Variants in U2SURP observed in about 807,000 individuals in gnomAD.
U2SURP encodes U2 snRNP-associated SURP motif-containing protein.
In U2SURP, 9 loss-of-function variants were observed where a neutral mutation model predicts 144.9. That is an observed-to-expected ratio of 0.06 (90% confidence interval 0.04 to 0.11). The LOEUF is 0.11. Ranked by LOEUF, U2SURP falls within the 10% of genes least tolerant of loss-of-function variation. The pLI is 1.00. For synonymous variants in U2SURP, 408 were observed against 396.8 expected (o/e 1.03, Z -0.33); for missense variants, 724 against 1,226.7 (o/e 0.59, Z 6.12).
chr3:143,012,373 G>A lies in U2SURP; in HGVS notation c.222+20G>A. The stretch of plus-strand genomic sequence containing the variant: ...TCAAGAGTGAGTATAGATAAGATAA[G>A]GTAAAGATAAGAAAGGATAGTTAAT... On this transcript the variant is annotated intron_variant, in intron 3 of 27. Transcript: ENST00000473835. 6.3e-7 allele frequency: 1 copy of A among 1,582,422 alleles called. No homozygotes were observed. Among genetic ancestry groups the A allele is most frequent in the Non-Finnish European group, 8.6e-7 (1 of 1,165,344 alleles).
intron 12 of U2SURP, 101 bp from the exon 13 acceptor site, chr3:143,023,874 A>T: frequency 1.9e-6 from 2 of 1,073,268 alleles, no homozygotes; most frequent in Non-Finnish European, 2.8e-6. Flanking sequence ...ACTTGTGATT[A>T]GATATGTAGT....
intron 24 of U2SURP, among the ~76,000 whole-genome samples, chr3:143,047,890 C>CT (rs1560204612): frequency 5.1e-5 from 7 of 136,074 alleles, no homozygotes; most frequent in Non-Finnish European, 9.7e-5. Context: ...TGACCCCCCC[C>CT]AACCTCCCTC....
intron 1 of U2SURP, among the ~76,000 whole-genome samples, chr3:143,003,214 TTC>T (rs938159149): frequency 1.6e-4 from 25 of 152,236 alleles, no homozygotes; most frequent in African/African-American, 5.8e-4. Flanking sequence ...CAGTAATCTT[TTC>T]TGTTTATATT....
rs781341918 is a variant in U2SURP at position 143,043,169 on chromosome 3, G to C, written c.2437G>C (p.Glu813Gln). ...EEDTQSSKSE[E>Q]HHLYSNPIKE... is the part of the protein sequence containing the mutation. ...AGATACTCAAAGTTCCAAATCTGAA[G>C]AACATCATTTGTACTCTAATCCAAT... The change falls in exon 24 of 28, where the codon GAA (glutamate) becomes CAA (glutamine). Residue 813 changes from glutamate (E) to glutamine (Q), a missense_variant. Glu to Gln is a conservative substitution (Grantham distance 29). Coordinates refer to ENST00000473835, the MANE Select transcript of U2SURP (RefSeq NM_001080415.2). 1 of 1,604,332 alleles carries C rather than the reference G, an allele frequency of 6.2e-7. No individual in the cohort carries two copies. Among genetic ancestry groups the C allele is most frequent in the South Asian group, 1.1e-5 (1 of 89,316 alleles).
intron 1 of U2SURP, among the ~76,000 whole-genome samples, chr3:143,001,916 C>A (rs182428347): frequency 2.7e-4 from 41 of 152,342 alleles, no homozygotes; most frequent in Non-Finnish European, 5.0e-4. Flanking sequence ...CTTCGGCCCG[C>A]GCTTGGCATT....
chr3:143,014,462 G>C (rs1936262717), intron 4 of U2SURP, 53 bp downstream of exon 4: 4 of 1,251,186 alleles, frequency 3.2e-6, no homozygotes, highest in Non-Finnish European at 4.5e-6. Context: ...GTGTCTAAGG[G>C]GTTAGTAAGT....
Position 143,036,008 on chromosome 3 carries a change from A to C in U2SURP, c.1968A>C (p.Ala656=), listed in dbSNP as rs1314300689. The C allele has an allele frequency of 1.2e-6, 2 of 1,609,642 alleles. No individual in the cohort carries two copies. The highest frequency in any genetic ancestry group is 1.7e-5 in the Admixed American group (1 of 58,664). ...FKQRVMTCFR[A]WEDWAIYPEP... is the part of the protein sequence containing the mutation. ...AACGGGTAATGACTTGCTTCAGAGC[A>C]TGGGAAGATTGGGCAATTTATCCAG... The change falls in exon 20 of 28, where the codon GCA becomes GCC. Residue 656 remains alanine, a synonymous_variant. Coordinates refer to ENST00000473835, the MANE Select transcript of U2SURP (RefSeq NM_001080415.2).
At chr3:143,028,187 C>T (rs1933267855) in intron 14 of U2SURP, among the ~76,000 whole-genome samples, 153 bp from the exon 15 acceptor site, 1 of 152,018 alleles carries the variant, frequency 6.6e-6, no homozygotes, top group African/African-American at 2.4e-5. Context: ...GGATAGGTAG[C>T]GGGTGGTAGT....
chr3:143,052,950 G>GTTTTTTTT (rs11436960), intron 25 of U2SURP, among the ~76,000 whole-genome samples: 1 of 132,950 alleles, frequency 7.5e-6, no homozygotes, highest in African/African-American at 2.8e-5. Context: ...AAATGTGTTG[G>GTTTTTTTT]TTTTTTTTTT....
intron 23 of U2SURP, among the ~76,000 whole-genome samples, chr3:143,042,320 A>G (rs1322055059): frequency 1.3e-5 from 2 of 152,154 alleles, no homozygotes; most frequent in African/African-American, 4.8e-5. Context: ...CTAATCAGAT[A>G]AGGTCTTTAC....
At position 143,059,464 on chromosome 3, in the gene U2SURP, AAATTT is replaced by A. The variant is rs1334507740; in HGVS notation, c.*3016_*3020del. Reference sequence around the variant, plus strand: ...CTTTTGAGAAATTTTAACTGTGATTAAATTTAGGTTTATTAGAAATATTCTGTACA... The same window carrying A: ...CTTTTGAGAAATTTTAACTGTGATTAAGGTTTATTAGAAATATTCTGTACA... On this transcript the variant is annotated 3_prime_UTR_variant, in exon 28 of 28. Coordinates refer to ENST00000473835, the MANE Select transcript of U2SURP (RefSeq NM_001080415.2). The A allele has an allele frequency of 6.6e-6, 1 of 151,942 alleles. No homozygotes were observed. Among genetic ancestry groups the A allele is most frequent in the Non-Finnish European group, 1.5e-5 (1 of 67,830 alleles). The allele number at this position is 151,942 out of a possible 1,614,324, so 9.4% of individuals were successfully genotyped here.
chr3:143,027,652 A>G (rs903244067), intron 14 of U2SURP, among the ~76,000 whole-genome samples: 1 of 152,192 alleles, frequency 6.6e-6, no homozygotes, highest in East Asian at 1.9e-4. Context: ...ATTCCATTAT[A>G]TGTATTTACT....
chr3:143,010,022 TTA>T (rs1936041914), intron 1 of U2SURP, among the ~76,000 whole-genome samples: 1 of 152,186 alleles, frequency 6.6e-6, no homozygotes, highest in East Asian at 1.9e-4. Flanking sequence ...TCAGTGACAG[TTA>T]TATTTTGGAT....
intron 1 of U2SURP, among the ~76,000 whole-genome samples, chr3:143,010,073 A>G (rs1205903452): frequency 6.6e-6 from 1 of 152,256 alleles, no homozygotes. Context: ...TCTTTCAGAA[A>G]GATAGCATAC....
In U2SURP at chr3:143,020,713, A is replaced by T; in HGVS notation, c.733+20A>T. On this transcript the variant is annotated intron_variant, in intron 8 of 27. Coordinates refer to ENST00000473835, the MANE Select transcript of U2SURP (RefSeq NM_001080415.2). ...GTTCTAGTAAGTGGCATTTATTTTA[A>T]TGTGTATGCTTGTGATTAATTACAG... is the stretch of plus-strand genomic sequence containing the variant. 6.3e-7 allele frequency: 1 copy of T among 1,578,832 alleles called. No individual in the cohort carries two copies. The highest frequency in any genetic ancestry group is 8.7e-7 in the Non-Finnish European group (1 of 1,150,840).
rs946567306 is a variant in U2SURP, at chr3:143,058,312, C to T, written c.*1862C>T. On this transcript the variant is annotated 3_prime_UTR_variant, in exon 28 of 28. Coordinates refer to ENST00000473835, the MANE Select transcript of U2SURP (RefSeq NM_001080415.2). Reference sequence around the variant, plus strand: ...CTTTCCAGTCAAGTTGCAAGGGATGCTTATTTCTCTTCAAAAAAAGACATC... The same window carrying T: ...CTTTCCAGTCAAGTTGCAAGGGATGTTTATTTCTCTTCAAAAAAAGACATC... The T allele has an allele frequency of 4.6e-5, 7 of 151,710 alleles. No homozygotes were observed. Among genetic ancestry groups the T allele is most frequent in the African/African-American group, 1.7e-4 (7 of 41,364 alleles). The allele number at this position is 151,710 out of a possible 1,614,324, so 9.4% of individuals were successfully genotyped here. A position where few individuals can be genotyped will look rare whatever the true frequency, so the allele number is the denominator to read the frequency against.
chr3:143,022,238 A>G (rs1042508412), intron 10 of U2SURP, among the ~76,000 whole-genome samples: 1 of 152,198 alleles, frequency 6.6e-6, no homozygotes, highest in Non-Finnish European at 1.5e-5. Flanking sequence ...GAAGATAGAG[A>G]GTAAAAATGA....
chr3:143,010,913 C>T (rs924395911), intron 2 of U2SURP, 54 bp downstream of exon 2: 1 of 1,297,912 alleles, frequency 7.7e-7, no homozygotes, highest in Non-Finnish European at 1.1e-6. Context: ...AACTTCTCCT[C>T]ATATGTATCC....
chr3:143,017,801 T>C (rs367658219), intron 6 of U2SURP, among the ~76,000 whole-genome samples: 32 of 152,224 alleles, frequency 2.1e-4, no homozygotes, highest in African/African-American at 7.7e-4. Context: ...TTTGGTATTT[T>C]TTTGTGAAAA....
Sources: gnomAD v4.1 joint callset for allele counts (sites outside exome capture counted in the v4.1 genomes callset) on GRCh38, gnomAD v4.1.1 for gene constraint, MANE v1.5 for transcripts, NCBI Gene and HGNC (gene_info 2026-07-23, HGNC 2026-07-21) for gene names.